The following DNAH6 variants were observed in gnomAD, a reference collection of about 807,000 sequenced individuals.
DNAH6 encodes axonemal beta dynein heavy chain 6.
In DNAH6, 340 loss-of-function variants were observed where a neutral mutation model predicts 491.4. That is an observed-to-expected ratio of 0.69 (90% CI 0.63 to 0.76). The LOEUF (loss-of-function observed/expected upper bound fraction) is 0.76. DNAH6 is among the 30% of genes least tolerant of loss of function. The probability of loss-of-function intolerance (pLI) is 0.00; values close to 1 mark genes in which losing one functional copy is unlikely to be tolerated. For synonymous variants in DNAH6, 1,603 were observed against 1,686.1 expected (o/e 0.95, Z 1.21); for missense variants, 4,443 against 4,972.2 (o/e 0.89, Z 3.20).
At chr2:84,498,718 T>A in the DNAH6 span, among the ~76,000 whole-genome samples, 1 of 137,326 alleles carries the variant, frequency 7.3e-6, no homozygotes, top group Non-Finnish European at 1.6e-5. Flanking sequence ...CATGTGCTAC[T>A]TTTTTTTTTT....
At chr2:84,596,503 GT>G (rs1268475626) in intron 18 of DNAH6, among the ~76,000 whole-genome samples, 7 of 151,784 alleles carry the variant, frequency 4.6e-5, no homozygotes, top group Non-Finnish European at 1.0e-4. Flanking sequence ...AATTTTTTGT[GT>G]TTTTTCAGTA....
chr2:84,460,816 C>A, the DNAH6 span, among the ~76,000 whole-genome samples: 2 of 152,204 alleles, frequency 1.3e-5, no homozygotes, highest in African/African-American at 2.4e-5. Context: ...TGTTTCAGTG[C>A]TGACTGAGTG....
chr2:84,641,949 C>T lies in DNAH6; in HGVS notation c.4973C>T (p.Ser1658Phe), dbSNP rs200389898. ...AVKSVLVMAG[S>F]LKRENPDLNE... ...CCGAAATATTCCTTTAAATTTAGATCTTTAAAAAGAGAAAACCCAGACCTA... is the reference window on the plus strand; with the variant it reads ...CCGAAATATTCCTTTAAATTTAGATTTTTAAAAAGAGAAAACCCAGACCTA... The change falls in exon 33 of 77, where the codon TCT becomes TTT. Residue 1658 changes from serine (S) to phenylalanine (F), a missense_variant and splice_region_variant. This residue lies in a region of DNAH6 where 2,977 missense variants were observed against 3,296.6 expected (regional missense o/e 0.90). Coordinates refer to ENST00000389394, the MANE Select transcript of DNAH6 (RefSeq NM_001370.2). 3 of 1,548,330 alleles carry T rather than the reference C, an allele frequency of 1.9e-6. No individual in the cohort carries two copies. The highest frequency in any genetic ancestry group is 2.6e-6 in the Non-Finnish European group (3 of 1,145,338).
chr2:84,608,707 G>C (rs2104318111), intron 21 of DNAH6, among the ~76,000 whole-genome samples: 1 of 67,192 alleles, frequency 1.5e-5, no homozygotes, highest in South Asian at 7.4e-4. Context: ...AATTCTTAAG[G>C]GCCTTGAGAT....
chr2:84,511,831 T>C (rs1675343526), upstream of DNAH6, among the ~76,000 whole-genome samples: 1 of 152,364 alleles, frequency 6.6e-6, no homozygotes, highest in East Asian at 1.9e-4. Flanking sequence ...TTTATGATTT[T>C]TTTATGTTGA....
At chr2:84,501,530 T>C in the DNAH6 span, among the ~76,000 whole-genome samples, 28 of 150,520 alleles carry the variant, frequency 1.9e-4, no homozygotes, top group Admixed American at 5.3e-4. Context: ...ATCAGTGTAA[T>C]ACTGGCCTTG....
At chr2:84,553,626 CTA>C (rs1464225247) in intron 10 of DNAH6, among the ~76,000 whole-genome samples, 4 of 42,334 alleles carry the variant, frequency 9.4e-5, no homozygotes, top group African/African-American at 3.2e-4. Context: ...CCAGGACTGG[CTA>C]TTTTTTTTTT....
At chr2:84,622,946 TC>T (rs1687532380) in intron 26 of DNAH6, among the ~76,000 whole-genome samples, 2 of 152,196 alleles carry the variant, frequency 1.3e-5, no homozygotes, top group Non-Finnish European at 2.9e-5. Flanking sequence ...GATCATTTTT[TC>T]ATATATCCGG....
chr2:84,547,722 G>T, intron 7 of DNAH6, 110 bp downstream of exon 7: 4 of 1,143,968 alleles, frequency 3.5e-6, no homozygotes, highest in Middle Eastern at 4.8e-4. Flanking sequence ...TGTTTGAATT[G>T]TTCCAAACAT....
chr2:84,623,647 T>A (rs546141603), intron 26 of DNAH6, among the ~76,000 whole-genome samples: 4 of 151,764 alleles, frequency 2.6e-5, no homozygotes, highest in Non-Finnish European at 5.9e-5. Context: ...TGCCTCTGTG[T>A]AGAGGTGGTC....
chr2:84,578,131 A>G (rs1682652586), intron 13 of DNAH6, among the ~76,000 whole-genome samples: 1 of 152,140 alleles, frequency 6.6e-6, no homozygotes, highest in Non-Finnish European at 1.5e-5. Flanking sequence ...TATAGAAAAC[A>G]TTTTCTGGCC....
Position 84,593,953 on chromosome 2 carries a change from G to A in DNAH6, c.2611-19G>A. On this transcript the variant is annotated intron_variant, in intron 16 of 76. Transcript: ENST00000389394. ...ATCTGAAAACTAAATTACGCATTTT[G>A]TTTACTACATTTTTAAAGGTAGAAG... The A allele has an allele frequency of 6.9e-7, 1 of 1,443,400 alleles. No individual in the cohort carries two copies. Among genetic ancestry groups the A allele is most frequent in the Non-Finnish European group, 9.5e-7 (1 of 1,054,504 alleles). The allele number at this position is 1,443,400 out of a possible 1,614,324, so 89.4% of individuals were successfully genotyped here.
the DNAH6 span, among the ~76,000 whole-genome samples, chr2:84,479,518 AAC>A: frequency 5.3e-4 from 80 of 152,350 alleles, 3 homozygotes; most frequent in South Asian, 0.016. Flanking sequence ...TTTGCAATCT[AAC>A]AGAGATTACC....
At chr2:84,574,612 A>C (rs1254893148) in intron 12 of DNAH6, among the ~76,000 whole-genome samples, 1 of 152,182 alleles carries the variant, frequency 6.6e-6, no homozygotes, top group Non-Finnish European at 1.5e-5. Flanking sequence ...CAATTTAGAA[A>C]ACAAAATTTA....
At chr2:84,660,676 A>G (rs1691417847) in intron 37 of DNAH6, among the ~76,000 whole-genome samples, 1 of 152,148 alleles carries the variant, frequency 6.6e-6, no homozygotes, top group African/African-American at 2.4e-5. Context: ...TTTAACTAGC[A>G]TCAAGGCAAA....
chr2:84,721,525 C>G (rs549718316), intron 59 of DNAH6, among the ~76,000 whole-genome samples: 4 of 152,198 alleles, frequency 2.6e-5, no homozygotes, highest in Admixed American at 2.0e-4. Flanking sequence ...TCAAATATGG[C>G]TAGCCTGAAT....
chr2:84,798,797 C>T (rs1326385376), intron 70 of DNAH6, among the ~76,000 whole-genome samples: 1 of 152,178 alleles, frequency 6.6e-6, no homozygotes, highest in East Asian at 1.9e-4. Flanking sequence ...CCCATCACAG[C>T]CAGTGCTTGA....
At chr2:84,480,176 A>T in the DNAH6 span, among the ~76,000 whole-genome samples, 1 of 152,238 alleles carries the variant, frequency 6.6e-6, no homozygotes, top group Admixed American at 6.5e-5. Flanking sequence ...CATTTTATAG[A>T]TAATTTCTAC....
intron 58 of DNAH6, 63 bp from the exon 59 acceptor site, chr2:84,718,141 A>G: frequency 7.4e-7 from 1 of 1,356,792 alleles, no homozygotes; most frequent in Admixed American, 3.0e-5. Flanking sequence ...AGAGAAAGAA[A>G]AATAGAAGCA....
Sources: gnomAD v4.1 joint callset for allele counts (sites outside exome capture counted in the v4.1 genomes callset) on GRCh38, gnomAD v4.1.1 for gene constraint, gnomAD v4.1.1 regional missense constraint, MANE v1.5 for transcripts, NCBI Gene and HGNC (gene_info 2026-07-23, HGNC 2026-07-21) for gene names.